Variants in ATF7IP observed in about 807,000 individuals in gnomAD.
ATF7IP encodes activating transcription factor 7 interacting protein.
ATF7IP carries 23 observed loss-of-function variants against 106.4 expected under a neutral mutation model. The ratio of observed to expected loss-of-function variants is 0.22; its 90% CI spans 0.16 to 0.31. The LOEUF (loss-of-function observed/expected upper bound fraction) is 0.31, where lower values mean the gene tolerates loss of function less well. Among genes scored for constraint, ATF7IP ranks in the 10% least tolerant of loss-of-function variants. The pLI, the probability that ATF7IP is intolerant of heterozygous loss-of-function variation, is 1.00. For synonymous variants in ATF7IP, 542 were observed against 539.0 expected (o/e 1.01, Z -0.08); for missense variants, 1,334 against 1,524.3 (o/e 0.88, Z 2.08).
intron 6 of ATF7IP, 73 bp from the exon 7 acceptor site, chr12:14,456,488 A>G (rs1943428704): frequency 1.0e-6 from 1 of 987,882 alleles, no homozygotes; most frequent in South Asian, 1.3e-5. Context: ...AGGCATCTAC[A>G]GGTCTAATTT....
chr12:14,395,205 T>A (rs1329914747), intron 1 of ATF7IP: 1 of 152,110 alleles, frequency 6.6e-6, no homozygotes, highest in African/African-American at 2.4e-5. Context: ...TAAGTAGCAG[T>A]GGTTTACAGA....
chr12:14,398,494 AGTTT>A lies in ATF7IP; in HGVS notation c.-7-25411_-7-25408del, dbSNP rs1231972091. Among the ~76,000 whole-genome samples the A allele has an allele frequency of 4.4e-5, 6 of 134,916 alleles. No individual in the cohort carries two copies. In the Admixed American group the frequency reaches 4.5e-4, roughly 10 times the overall value. 88.5% of individuals were successfully genotyped at this position (134,916 alleles called of 152,430 possible). A position where few individuals can be genotyped will look rare whatever the true frequency, so the allele number is the denominator to read the frequency against. On this transcript the variant is annotated intron_variant, in intron 1 of 14. Transcript: ENST00000261168. ...TTGTGGTTTTTTTTTTTTGTCTTTG[AGTTT>A]GTTAAGATTTTCTTGTCGCCATACA...
chr12:14,366,006 A>T (rs1016978019), intron 1 of ATF7IP, among the ~76,000 whole-genome samples, 179 bp downstream of exon 1: 1 of 152,130 alleles, frequency 6.6e-6, no homozygotes, highest in Admixed American at 6.5e-5. Context: ...CTCTAGCTGC[A>T]GTTGTGCAGC....
chr12:14,414,578 A>G (rs1383955622), intron 1 of ATF7IP, among the ~76,000 whole-genome samples: 1 of 152,174 alleles, frequency 6.6e-6, no homozygotes, highest in African/African-American at 2.4e-5. Flanking sequence ...GCTAAAAGCT[A>G]TTGTATACTG....
chr12:14,436,255 T>C lies in ATF7IP; in HGVS notation c.1791+4T>C, dbSNP rs779043826. 20 of 1,610,044 alleles carry C rather than the reference T, an allele frequency of 1.2e-5. No homozygotes were observed. In the East Asian group the frequency reaches 1.8e-4, roughly 14 times the overall value. ...CATTAACCAGAAACTTCAAAAGGTA[T>C]TGTGTCAATTATAAGTTATAAACCA... On this transcript the variant is annotated splice_donor_region_variant and intron_variant, in intron 4 of 14. Coordinates refer to ENST00000261168, the MANE Select transcript of ATF7IP (RefSeq NM_018179.5).
chr12:14,404,759 A>G (rs1434418402), intron 1 of ATF7IP, among the ~76,000 whole-genome samples: 1 of 152,172 alleles, frequency 6.6e-6, no homozygotes, highest in Non-Finnish European at 1.5e-5. Flanking sequence ...AACTTACATG[A>G]ACAGGTTTAG....
At chr12:14,473,820 A>T (rs559875626) in intron 10 of ATF7IP, among the ~76,000 whole-genome samples, 101 of 149,860 alleles carry the variant, frequency 6.7e-4, no homozygotes, top group African/African-American at 1.8e-3. Context: ...TTTTTTTTTT[A>T]AATTATCGGC....
At position 14,425,038 on chromosome 12, in the gene ATF7IP, A is replaced by G; in HGVS notation, c.1123A>G (p.Ile375Val). The change falls in exon 2 of 15, where the codon ATT becomes GTT. Residue 375 changes from isoleucine (I) to valine (V), a missense_variant. By Grantham distance (29) the Ile-to-Val change is conservative. This residue lies in a region of ATF7IP where 438 missense variants were observed against 405.3 expected (regional missense o/e 1.08). Coordinates refer to ENST00000261168, the MANE Select transcript of ATF7IP (RefSeq NM_018179.5). Reference protein sequence around the residue: ...PENEKKVEEDIITELALGEDA... With the variant: ...PENEKKVEEDVITELALGEDA... Reference sequence around the variant, plus strand: ...AAATGAAAAGAAGGTAGAGGAAGATATTATCACAGAGCTTGCTCTTGGAGA... The same window carrying G: ...AAATGAAAAGAAGGTAGAGGAAGATGTTATCACAGAGCTTGCTCTTGGAGA... 1 of 1,609,456 alleles carries G rather than the reference A, an allele frequency of 6.2e-7. No homozygotes were observed. The highest frequency in any genetic ancestry group is 8.5e-7 in the Non-Finnish European group (1 of 1,178,780).
chr12:14,451,527 A>G (rs1298486956), intron 6 of ATF7IP, among the ~76,000 whole-genome samples: 1 of 149,798 alleles, frequency 6.7e-6, no homozygotes, highest in Non-Finnish European at 1.5e-5. Flanking sequence ...CCTTCTTACC[A>G]CTGTTTTCAC....
At chr12:14,377,754 C>T (rs1250908570) in intron 1 of ATF7IP, among the ~76,000 whole-genome samples, 5 of 151,892 alleles carry the variant, frequency 3.3e-5, no homozygotes, top group Admixed American at 2.0e-4. Flanking sequence ...GCTGGGATTA[C>T]AGGCACCCAC....
chr12:14,485,043 T>C (rs1390101238), intron 13 of ATF7IP, among the ~76,000 whole-genome samples: 1 of 152,050 alleles, frequency 6.6e-6, no homozygotes, highest in Non-Finnish European at 1.5e-5. Context: ...CCTGGAGGCC[T>C]CCACTGTGAT....
At chr12:14,407,822 A>C (rs1310621524) in intron 1 of ATF7IP, among the ~76,000 whole-genome samples, 1 of 152,148 alleles carries the variant, frequency 6.6e-6, no homozygotes, top group Non-Finnish European at 1.5e-5. Context: ...ATAAGACACT[A>C]CTTTTTGTGG....
At chr12:14,367,192 T>C (rs137937786) in intron 1 of ATF7IP, 4 of 152,282 alleles carry the variant, frequency 2.6e-5, no homozygotes, top group East Asian at 1.9e-4. Context: ...CAGTCTACTG[T>C]CAAATGAAGA....
Position 14,500,896 on chromosome 12 carries a change from G to A in ATF7IP, c.*2823G>A, listed in dbSNP as rs1945143729. The A allele has an allele frequency of 6.6e-6, 1 of 152,088 alleles. No individual in the cohort carries two copies. The highest frequency in any genetic ancestry group is 2.1e-4 in the South Asian group (1 of 4,826). The allele number at this position is 152,088 out of a possible 1,614,324, so 9.4% of individuals were successfully genotyped here. ...CTAAAGTAAAATAACTACTTAAAAT[G>A]TTTTATTCCAGTTGGAAGGAAGGTA... On this transcript the variant is annotated 3_prime_UTR_variant, in exon 15 of 15. Coordinates refer to ENST00000261168, the MANE Select transcript of ATF7IP (RefSeq NM_018179.5).
chr12:14,452,607 G>A (rs1943248582), intron 6 of ATF7IP, among the ~76,000 whole-genome samples: 1 of 152,028 alleles, frequency 6.6e-6, no homozygotes, highest in South Asian at 2.1e-4. Flanking sequence ...ATATAAGAGC[G>A]CTAGTCTATA....
chr12:14,460,810 T>C lies in ATF7IP; in HGVS notation c.2474T>C (p.Val825Ala). The change falls in exon 9 of 15, where the codon GTG becomes GCG. Residue 825 changes from valine (V) to alanine (A), a missense_variant. Coordinates refer to ENST00000261168, the MANE Select transcript of ATF7IP (RefSeq NM_018179.5). ...EFISVQSPPT[V>A]SGLTKNPVSL... is the part of the protein sequence containing the mutation. Reference sequence around the variant, plus strand: ...ATTTCTGTGCAAAGCCCACCTACAGTGAGTGGTCTTACCAAAAATCCAGTA... The same window carrying C: ...ATTTCTGTGCAAAGCCCACCTACAGCGAGTGGTCTTACCAAAAATCCAGTA... 6.2e-7 allele frequency: 1 copy of C among 1,614,174 alleles called. No homozygotes were observed. Among genetic ancestry groups the C allele is most frequent in the Non-Finnish European group, 8.5e-7 (1 of 1,180,026 alleles).
chr12:14,409,745 A>G (rs1430719317), intron 1 of ATF7IP, among the ~76,000 whole-genome samples: 2 of 152,038 alleles, frequency 1.3e-5, no homozygotes, highest in African/African-American at 4.8e-5. Context: ...CAATATAATC[A>G]CAGATACACT....
intron 5 of ATF7IP, among the ~76,000 whole-genome samples, chr12:14,439,385 C>T (rs958887904): frequency 6.6e-6 from 1 of 152,178 alleles, no homozygotes; most frequent in Non-Finnish European, 1.5e-5. Flanking sequence ...GTGTGTCTCC[C>T]AGACTGACCT....
chr12:14,492,891 G>A (rs941673108), intron 13 of ATF7IP, among the ~76,000 whole-genome samples: 5 of 152,158 alleles, frequency 3.3e-5, no homozygotes, highest in African/African-American at 9.7e-5. Flanking sequence ...AGAGATTCAG[G>A]TGCTGCCCTC....
Sources: allele counts gnomAD v4.1 joint callset (sites outside exome capture counted in the v4.1 genomes callset), GRCh38; gene constraint gnomAD v4.1.1; regional missense constraint gnomAD v4.1.1; transcripts MANE v1.5; gene names NCBI Gene and HGNC (gene_info 2026-07-23, HGNC 2026-07-21).